The following WDR11 variants were observed in gnomAD, a reference collection of about 807,000 sequenced individuals.
WDR11 encodes the protein WD repeat domain 11.
A neutral mutation model predicts 151.2 loss-of-function variants in WDR11; 83 were observed. That is an observed-to-expected ratio of 0.55 (90% confidence interval 0.46 to 0.66). WDR11 has a LOEUF of 0.66. Ranked by LOEUF, WDR11 falls within the 30% of genes least tolerant of loss-of-function variation. WDR11 has a pLI of 0.00. For synonymous variants in WDR11, 484 were observed against 533.1 expected (o/e 0.91, Z 1.27); for missense variants, 1,301 against 1,480.9 (o/e 0.88, Z 1.99).
chr10:120,890,804 T>C lies in WDR11; in HGVS notation c.2432T>C (p.Leu811Ser). The C allele has an allele frequency of 6.2e-7, 1 of 1,614,210 alleles. No homozygotes were observed. The highest frequency in any genetic ancestry group is 8.5e-7 in the Non-Finnish European group (1 of 1,180,044). Reference protein sequence around the residue: ...VDWCTSDKVILASDDGCIRVL... With the variant: ...VDWCTSDKVISASDDGCIRVL... The stretch of plus-strand genomic sequence containing the variant: ...TGGTGTACGTCAGATAAAGTGATCT[T>C]GGCCTCAGATGATGGGTGCATCAGA... Residue 811 changes from leucine (L) to serine (S), a missense_variant, in exon 19 of 29, where the codon TTG becomes TCG. Leu to Ser is a moderately radical substitution (Grantham distance 145, BLOSUM62 -2). Transcript: ENST00000263461.
chr10:120,904,797 A>T lies in WDR11; in HGVS notation c.3179A>T (p.Asn1060Ile). The part of the protein sequence containing the change: ...IKLVATNMIA[N>I]GKLAEGVQLL... The stretch of plus-strand genomic sequence containing the variant: ...TTGGTGGCAACGAATATGATTGCCA[A>T]TGGCAAATTGGCAGGTAAGGCACAC... Residue 1060 changes from asparagine (N) to isoleucine (I), a missense_variant, in exon 25 of 29, where the codon AAT becomes ATT. Transcript: ENST00000263461. The T allele has an allele frequency of 1.2e-6, 2 of 1,614,214 alleles. No homozygotes were observed. Among genetic ancestry groups the T allele is most frequent in the Non-Finnish European group, 1.7e-6 (2 of 1,180,044 alleles).
At chr10:120,868,212 T>C (rs1185810348) in intron 9 of WDR11, among the ~76,000 whole-genome samples, 2 of 152,044 alleles carry the variant, frequency 1.3e-5, no homozygotes, top group African/African-American at 2.4e-5. Context: ...CCAACACTTT[T>C]GGAGGCCGAG....
intron 13 of WDR11, 77 bp downstream of exon 13, chr10:120,880,978 T>A: frequency 7.5e-7 from 1 of 1,327,452 alleles, no homozygotes; most frequent in South Asian, 1.3e-5. Flanking sequence ...TTTAAGAAAA[T>A]GGGAATGTGC....
Position 120,899,947 on chromosome 10 carries a change from G to C in WDR11, c.2516-82G>C, listed in dbSNP as rs74548886. Reference sequence around the variant, plus strand: ...ATTTACCTGTTGCTCTCTGCTGACTGCTCTGTAAATGGTTTATAGCTGAAG... The same window carrying C: ...ATTTACCTGTTGCTCTCTGCTGACTCCTCTGTAAATGGTTTATAGCTGAAG... On this transcript the variant is annotated intron_variant, in intron 19 of 28. Coordinates refer to ENST00000263461, the MANE Select transcript of WDR11 (RefSeq NM_018117.12). The C allele has an allele frequency of 3.9e-4, 446 of 1,144,680 alleles. 2 individuals are homozygous for C. The East Asian group carries it at 0.01, about 27-fold the overall frequency. The allele number at this position is 1,144,680 out of a possible 1,614,324, so 70.9% of individuals were successfully genotyped here.
intron 1 of WDR11, chr10:120,851,912 C>G: frequency 3.3e-6 from 1 of 304,170 alleles, no homozygotes; most frequent in Non-Finnish European, 6.3e-6. Context: ...CAACAATGTG[C>G]CAGACCCTGT....
intron 11 of WDR11, among the ~76,000 whole-genome samples, chr10:120,874,176 GTTTTT>G (rs66873217): frequency 9.0e-4 from 75 of 83,500 alleles, no homozygotes; most frequent in African/African-American, 1.9e-3. Context: ...GGTTTTTGCA[GTTTTT>G]TTTTTTTTTT....
intron 19 of WDR11, among the ~76,000 whole-genome samples, chr10:120,898,226 T>G (rs1847682466): frequency 1.3e-5 from 2 of 152,244 alleles, no homozygotes; most frequent in African/African-American, 4.8e-5. Flanking sequence ...TTCAAAATTC[T>G]GTCAGTATTT....
At chr10:120,906,719 C>T (rs1289025533) in intron 27 of WDR11, 57 bp from the exon 28 acceptor site, 33 of 1,613,534 alleles carry the variant, frequency 2.0e-5, no homozygotes, top group Non-Finnish European at 2.8e-5. Context: ...TTCGATGCTG[C>T]TGCCCACCAG....
At chr10:120,871,383 C>T (rs752359370) in intron 10 of WDR11, 37 bp downstream of exon 10, 5 of 1,587,030 alleles carry the variant, frequency 3.2e-6, no homozygotes, top group South Asian at 2.2e-5. Flanking sequence ...TTTTAACTCA[C>T]TTTATAAGAT....
chr10:120,894,843 C>T (rs949688086), intron 19 of WDR11, among the ~76,000 whole-genome samples: 10 of 152,156 alleles, frequency 6.6e-5, no homozygotes, highest in African/African-American at 2.2e-4. Flanking sequence ...ATGTGAGTTT[C>T]TCCAGATGTG....
chr10:120,868,047 G>A (rs1461921156), intron 9 of WDR11, among the ~76,000 whole-genome samples: 1 of 152,040 alleles, frequency 6.6e-6, no homozygotes, highest in Non-Finnish European at 1.5e-5. Flanking sequence ...TTGTGGCTAT[G>A]GTTTATAAAG....
At chr10:120,852,060 T>C (rs1845795313) in intron 1 of WDR11, 1 of 226,940 alleles carries the variant, frequency 4.4e-6, no homozygotes, top group Non-Finnish European at 8.8e-6. Context: ...TGAAAACTAC[T>C]CATTAGACAA....
At chr10:120,878,296 G>T in intron 11 of WDR11, 57 bp from the exon 12 acceptor site, 1 of 1,360,494 alleles carries the variant, frequency 7.4e-7, no homozygotes, top group Non-Finnish European at 1.0e-6. Flanking sequence ...TCAAATAAAT[G>T]AACCTTTCAA....
intron 5 of WDR11, among the ~76,000 whole-genome samples, chr10:120,863,497 A>G (rs1175091031): frequency 6.6e-6 from 1 of 152,256 alleles, no homozygotes; most frequent in East Asian, 1.9e-4. Context: ...AATAGATCCA[A>G]TAATGTAAGT....
intron 11 of WDR11, among the ~76,000 whole-genome samples, chr10:120,875,427 C>T (rs1017718419): frequency 8.5e-5 from 13 of 152,206 alleles, no homozygotes; most frequent in African/African-American, 2.7e-4. Context: ...AGCATTATTT[C>T]GCTGAATGCA....
Position 120,871,364 on chromosome 10 carries a change from T to C in WDR11, c.1471+18T>C. On this transcript the variant is annotated intron_variant, in intron 10 of 28. Coordinates refer to ENST00000263461, the MANE Select transcript of WDR11 (RefSeq NM_018117.12). Reference sequence around the variant, plus strand: ...GGCTGTTGGTGAGTATTTGACCTGGTCTTTTTTTTTTTAACTCACTTTATA... The same window carrying C: ...GGCTGTTGGTGAGTATTTGACCTGGCCTTTTTTTTTTTAACTCACTTTATA... 1 of 1,609,432 alleles carries C rather than the reference T, an allele frequency of 6.2e-7. No individual in the cohort carries two copies. Among genetic ancestry groups the C allele is most frequent in the South Asian group, 1.1e-5 (1 of 89,836 alleles).
chr10:120,866,770 T>C lies in WDR11; in HGVS notation c.1190+6T>C. On this transcript the variant is annotated splice_donor_region_variant and intron_variant, in intron 8 of 28. Coordinates refer to ENST00000263461, the MANE Select transcript of WDR11 (RefSeq NM_018117.12). ...AATCGAAATTCACGGAACAGGTAAA[T>C]GAATCAACAGGATCATGGTTTTGTT... The C allele has an allele frequency of 6.2e-7, 1 of 1,614,102 alleles. No individual in the cohort carries two copies. The highest frequency in any genetic ancestry group is 8.5e-7 in the Non-Finnish European group (1 of 1,179,986).
At chr10:120,878,739 T>A (rs1275652423) in intron 12 of WDR11, among the ~76,000 whole-genome samples, 1 of 152,136 alleles carries the variant, frequency 6.6e-6, no homozygotes, top group African/African-American at 2.4e-5. Context: ...AGTGCATTGT[T>A]ATATGTAACC....
At chr10:120,903,351 C>A in intron 23 of WDR11, 119 bp downstream of exon 23, 1 of 1,304,296 alleles carries the variant, frequency 7.7e-7, no homozygotes, top group Non-Finnish European at 1.1e-6. Context: ...TAGAAATAAG[C>A]CCTTGAAAAT....
Sources: gnomAD v4.1 joint callset for allele counts (sites outside exome capture counted in the v4.1 genomes callset) on GRCh38, gnomAD v4.1.1 for gene constraint, MANE v1.5 for transcripts, NCBI Gene and HGNC (gene_info 2026-07-23, HGNC 2026-07-21) for gene names.